ISM2: variants seen among roughly 807,000 people sequenced by gnomAD.
ISM2 encodes the protein isthmin 2.
ISM2 carries 50 observed loss-of-function variants against 58.0 expected under a neutral mutation model. That is an observed-to-expected ratio of 0.86 (90% CI 0.69 to 1.09). The LOEUF is 1.09. Among genes scored for constraint, ISM2 ranks in the 50% least tolerant of loss-of-function variants. The pLI is 0.00. For synonymous variants in ISM2, 303 were observed against 312.4 expected (o/e 0.97, Z 0.32); for missense variants, 723 against 745.0 (o/e 0.97, Z 0.34).
chr14:77,483,355 C>T (rs1473416580), intron 3 of ISM2, among the ~76,000 whole-genome samples: 2 of 151,998 alleles, frequency 1.3e-5, no homozygotes, highest in Non-Finnish European at 2.9e-5. Context: ...GTCAAGAGTT[C>T]GAGACCAGCC....
In ISM2 at chr14:77,475,481, T is replaced by TG; in HGVS notation, c.*113dup. Reference sequence around the variant, plus strand: ...GCACACAGCCTCGGACCAACCTCACTGGGGGAGCCCTTTCCTCACCCTGTC... The same window carrying TG: ...GCACACAGCCTCGGACCAACCTCACTGGGGGGAGCCCTTTCCTCACCCTGTC... On this transcript the variant is annotated 3_prime_UTR_variant, in exon 7 of 7. Transcript: ENST00000342219. This position sits in a 1 kb window ranked among gnomAD's most constrained non-coding sequence, Gnocchi z 4.1. The TG allele has an allele frequency of 2.6e-6, 3 of 1,173,396 alleles. No homozygotes were observed. Among genetic ancestry groups the TG allele is most frequent in the Middle Eastern group, 3.0e-4 (1 of 3,318 alleles). The allele number at this position is 1,173,396 out of a possible 1,614,324, so 72.7% of individuals were successfully genotyped here.
rs558445984 is a variant in ISM2, at chr14:77,489,177, C to T, written c.142-4258G>A. Reference sequence around the variant, plus strand: ...GAGCCCGCCTGCTAACCTGTTTCAGCCCCTTCACAGTTCCCTGTTCTCCCT... The same window carrying T: ...GAGCCCGCCTGCTAACCTGTTTCAGTCCCTTCACAGTTCCCTGTTCTCCCT... On this transcript the variant is annotated intron_variant, in intron 1 of 6. Coordinates refer to ENST00000342219, the MANE Select transcript of ISM2 (RefSeq NM_199296.3). Among the ~76,000 whole-genome samples the T allele has an allele frequency of 2.6e-5, 4 of 152,312 alleles. No individual in the cohort carries two copies. In the East Asian group the frequency reaches 7.7e-4, roughly 29 times the overall value.
At chr14:77,479,547 C>A (rs1331236796) in intron 4 of ISM2, among the ~76,000 whole-genome samples, 1 of 152,130 alleles carries the variant, frequency 6.6e-6, no homozygotes, top group East Asian at 1.9e-4. Context: ...CCACACCCAG[C>A]TAATTTTTGT....
At chr14:77,493,760 C>A (rs1164569102) in intron 1 of ISM2, among the ~76,000 whole-genome samples, 1 of 151,904 alleles carries the variant, frequency 6.6e-6, no homozygotes, top group Non-Finnish European at 1.5e-5. Context: ...CTGCGGCCAG[C>A]CGAATGATTC....
chr14:77,496,698 A>G (rs2079243380), intron 1 of ISM2, among the ~76,000 whole-genome samples: 2 of 139,844 alleles, frequency 1.4e-5, no homozygotes, highest in Non-Finnish European at 3.1e-5. Context: ...TGGGGAGGCT[A>G]AGGCAGGAGA....
At chr14:77,491,271 G>A (rs1045265539) in intron 1 of ISM2, among the ~76,000 whole-genome samples, 4 of 152,116 alleles carry the variant, frequency 2.6e-5, no homozygotes, top group African/African-American at 9.7e-5. Flanking sequence ...CTCAACAAGC[G>A]CTTCTTTCAT....
chr14:77,491,986 G>A (rs1241455255), intron 1 of ISM2, among the ~76,000 whole-genome samples: 2 of 150,302 alleles, frequency 1.3e-5, no homozygotes, highest in South Asian at 2.1e-4. Flanking sequence ...GTGAGCCACC[G>A]CCCAGCCCCC....
Position 77,484,926 on chromosome 14 carries a change from G to C in ISM2, c.142-7C>G. The C allele has an allele frequency of 1.3e-6, 2 of 1,535,028 alleles. No homozygotes were observed. Among genetic ancestry groups the C allele is most frequent in the Non-Finnish European group, 1.7e-6 (2 of 1,143,426 alleles). ...GATCTGGGGAGGCTGAGACCTGAGG[G>C]AGAGAGAAGGAAGGTAAGGTAACAG... On this transcript the variant is annotated splice_region_variant and splice_polypyrimidine_tract_variant and intron_variant, in intron 1 of 6. Transcript: ENST00000342219.
chr14:77,475,853 T>G lies in ISM2; in HGVS notation c.1458A>C (p.Thr486=). The G allele has an allele frequency of 6.2e-7, 1 of 1,609,878 alleles. No homozygotes were observed. Among genetic ancestry groups the G allele is most frequent in the Non-Finnish European group, 8.5e-7 (1 of 1,179,824 alleles). ...LRSMLSGESS[T]LAAQHCCYDE... Reference sequence around the variant, plus strand: ...CATAGCAGCAGTGCTGGGCGGCCAGTGTGCTGCTCTCCCCAGACAGCATGG... The same window carrying G: ...CATAGCAGCAGTGCTGGGCGGCCAGGGTGCTGCTCTCCCCAGACAGCATGG... Residue 486 remains threonine, a synonymous_variant, in exon 7 of 7, where the codon ACA becomes ACC. Transcript: ENST00000342219. This position sits in a 1 kb window ranked among gnomAD's most constrained non-coding sequence, Gnocchi z 4.1.
At chr14:77,491,821 G>A (rs1361070959) in intron 1 of ISM2, among the ~76,000 whole-genome samples, 2 of 147,112 alleles carry the variant, frequency 1.4e-5, no homozygotes, top group African/African-American at 2.5e-5. Context: ...TCAGCCTCCC[G>A]AGTAGCTGGG....
intron 2 of ISM2, 28 bp from the exon 3 acceptor site, chr14:77,484,593 G>A (rs544229872): frequency 6.9e-5 from 111 of 1,601,962 alleles, no homozygotes; most frequent in Admixed American, 1.0e-4. Context: ...AAGGTGAGGT[G>A]ACAGGTTAGG....
At position 77,498,809 on chromosome 14, in the gene ISM2, G is replaced by A; in HGVS notation, c.-16C>T. On this transcript the variant is annotated 5_prime_UTR_variant, in exon 1 of 7. Coordinates refer to ENST00000342219, the MANE Select transcript of ISM2 (RefSeq NM_199296.3). Reference sequence around the variant, plus strand: ...GCGCACGCATCGTCTCGGTTCCGAGGCTGCTCTGCCTGCACCTCTGCACGC... The same window carrying A: ...GCGCACGCATCGTCTCGGTTCCGAGACTGCTCTGCCTGCACCTCTGCACGC... 7.1e-7 allele frequency: 1 copy of A among 1,410,132 alleles called. No individual in the cohort carries two copies. Among genetic ancestry groups the A allele is most frequent in the Non-Finnish European group, 9.2e-7 (1 of 1,091,038 alleles). 87.4% of individuals were successfully genotyped at this position (1,410,132 alleles called of 1,614,324 possible). A position where few individuals can be genotyped will look rare whatever the true frequency, so the allele number is the denominator to read the frequency against.
intron 1 of ISM2, among the ~76,000 whole-genome samples, chr14:77,491,213 G>C (rs1248590635): frequency 6.6e-6 from 1 of 152,130 alleles, no homozygotes; most frequent in Non-Finnish European, 1.5e-5. Context: ...GGTTTCTCAG[G>C]GACCCCAGGC....
At chr14:77,476,164 G>C in intron 6 of ISM2, 52 bp from the exon 7 acceptor site, 1 of 1,493,952 alleles carries the variant, frequency 6.7e-7, no homozygotes, top group Non-Finnish European at 8.9e-7. Context: ...AGCCAGGCCC[G>C]TGTGGGGCGG....
chr14:77,477,016 T>G (rs1398546590), intron 6 of ISM2, among the ~76,000 whole-genome samples: 1 of 152,136 alleles, frequency 6.6e-6, no homozygotes, highest in Non-Finnish European at 1.5e-5. Context: ...CCAGCCTGGG[T>G]GACAGAGCAA....
intron 1 of ISM2, among the ~76,000 whole-genome samples, chr14:77,493,954 T>C (rs2079223250): frequency 1.3e-5 from 2 of 151,790 alleles, no homozygotes; most frequent in South Asian, 2.1e-4. Context: ...TTTTTTTGTA[T>C]TTTTAGTAGA....
At chr14:77,493,240 C>G (rs1200136283) in intron 1 of ISM2, among the ~76,000 whole-genome samples, 1 of 152,138 alleles carries the variant, frequency 6.6e-6, no homozygotes, top group African/African-American at 2.4e-5. Context: ...AAGTGATCCA[C>G]CTGCCTTGGC....
chr14:77,483,623 CGTGTGCGTGTGCGT>C (rs920989498), intron 3 of ISM2, among the ~76,000 whole-genome samples: 2 of 149,462 alleles, frequency 1.3e-5, no homozygotes, highest in Non-Finnish European at 3.0e-5. Flanking sequence ...CAGTTTTTTG[CGTGTGCGTGTGCGT>C]GTGTGCGTGT....
At chr14:77,477,335 C>G (rs941820488) in intron 6 of ISM2, among the ~76,000 whole-genome samples, 1 of 152,168 alleles carries the variant, frequency 6.6e-6, no homozygotes, top group African/African-American at 2.4e-5. Context: ...TGTCCAGCCC[C>G]GGACACTGGG....
Sources: allele counts gnomAD v4.1 joint callset (sites outside exome capture counted in the v4.1 genomes callset), GRCh38; gene constraint gnomAD v4.1.1; non-coding constraint Gnocchi (gnomAD v3.1); transcripts MANE v1.5; gene names NCBI Gene and HGNC (gene_info 2026-07-23, HGNC 2026-07-21).